The following TTI1 variants were observed in gnomAD, a reference collection of about 807,000 sequenced individuals.
The protein encoded by TTI1 is TELO2 interacting protein 1.
A neutral mutation model predicts 85.4 loss-of-function variants in TTI1; 52 were observed. The ratio of observed to expected loss-of-function variants is 0.61; its 90% CI spans 0.49 to 0.77. TTI1 has a LOEUF of 0.77. Among genes scored for constraint, TTI1 ranks in the 30% least tolerant of loss-of-function variants. TTI1 has a pLI of 0.00. For missense variants in TTI1, 1,173 were observed against 1,296.0 expected, an observed-to-expected ratio of 0.91 and a Z score of 1.46; for synonymous variants, 512 against 503.9, an observed-to-expected ratio of 1.02 and a Z score of -0.22.
At chr20:38,006,167 A>T (rs775884789) in intron 3 of TTI1, 30 bp downstream of exon 3, 2 of 1,611,982 alleles carry the variant, frequency 1.2e-6, no homozygotes, top group Non-Finnish European at 1.7e-6. Context: ...CAGAAAGAAA[A>T]AACCAGCTAA....
chr20:38,019,008 G>C (rs6097364), intron 1 of TTI1: 1 of 152,054 alleles, frequency 6.6e-6, no homozygotes, highest in Non-Finnish European at 1.5e-5. Context: ...AAATTACCTA[G>C]GTGTGGTGGT....
chr20:38,013,407 TC>T lies in TTI1; in HGVS notation c.409del (p.Asp137ThrfsTer4). On this transcript the variant is annotated frameshift_variant, in exon 2 of 8. Transcript: ENST00000373447. LOFTEE classifies it high-confidence loss of function. ...LSTLMHSAYG[D>X]IILTFYEPSI... ...GGGCTCATAAAAAGTCAGAATGATGTCCCCATAAGCTGAGTGCATTAATGTG... is the reference window on the plus strand; with the variant it reads ...GGGCTCATAAAAAGTCAGAATGATGTCCCATAAGCTGAGTGCATTAATGTG... 6.2e-7 allele frequency: 1 copy of T among 1,614,062 alleles called. No individual in the cohort carries two copies. The highest frequency in any genetic ancestry group is 8.5e-7 in the Non-Finnish European group (1 of 1,180,034).
At chr20:37,997,482 T>C (rs1385476304) in intron 5 of TTI1, among the ~76,000 whole-genome samples, 1 of 151,742 alleles carries the variant, frequency 6.6e-6, no homozygotes, top group Non-Finnish European at 1.5e-5. Flanking sequence ...TCGGTGTTCC[T>C]TCTGTTCAGC....
intron 1 of TTI1, among the ~76,000 whole-genome samples, chr20:38,021,151 C>G (rs1379915460): frequency 6.6e-6 from 1 of 152,128 alleles, no homozygotes; most frequent in Non-Finnish European, 1.5e-5. Flanking sequence ...AAATACTATA[C>G]AGATGAAGAT....
In TTI1 at chr20:38,012,122, T is replaced by A; in HGVS notation, c.1695A>T (p.Thr565=). Residue 565 remains threonine (T), a synonymous_variant, in exon 2 of 8, where the codon ACA becomes ACT. Transcript: ENST00000373447. Reference sequence around the variant, plus strand: ...TAACCAAATACCAATTTTCTTGACTTGTGTATTCTTCAAGTATAGATGTCA... The same window carrying A: ...TAACCAAATACCAATTTTCTTGACTAGTGTATTCTTCAAGTATAGATGTCA... ...EIVTSILEEY[T]SQENWYLVTC... The A allele has an allele frequency of 6.2e-7, 1 of 1,614,188 alleles. No individual in the cohort carries two copies.
At position 38,012,106 on chromosome 20, in the gene TTI1, A is replaced by G; in HGVS notation, c.1711T>C (p.Tyr571His). Residue 571 changes from tyrosine (Y) to histidine (H), a missense_variant, in exon 2 of 8, where the codon TAT becomes CAT. Coordinates refer to ENST00000373447, the MANE Select transcript of TTI1 (RefSeq NM_001303457.2). ...LEEYTSQENWYLVTCLETEEM... is the reference protein window; with the variant it reads ...LEEYTSQENWHLVTCLETEEM... The stretch of plus-strand genomic sequence containing the variant: ...TCAGTTTCAAGACAGGTAACCAAAT[A>G]CCAATTTTCTTGACTTGTGTATTCT... The G allele has an allele frequency of 6.2e-7, 1 of 1,614,154 alleles. No individual in the cohort carries two copies. The highest frequency in any genetic ancestry group is 1.1e-5 in the South Asian group (1 of 91,080).
At chr20:38,022,926 A>G (rs1045244817) in intron 1 of TTI1, among the ~76,000 whole-genome samples, 1 of 152,158 alleles carries the variant, frequency 6.6e-6, no homozygotes, top group Non-Finnish European at 1.5e-5. Flanking sequence ...CATGAATTTT[A>G]TCTTCTTCAA....
intron 7 of TTI1, chr20:37,987,400 T>C (rs761074669): frequency 2.4e-5 from 11 of 454,844 alleles, no homozygotes; most frequent in South Asian, 1.7e-4. Context: ...GGGATGGCTG[T>C]TGAACATACC....
At chr20:38,018,346 TTAATA>T (rs759809943) in intron 1 of TTI1, among the ~76,000 whole-genome samples, 12 of 152,090 alleles carry the variant, frequency 7.9e-5, no homozygotes, top group Non-Finnish European at 1.5e-4. Flanking sequence ...AATTAAGAAT[TTAATA>T]TAAGATATTA....
In TTI1 at chr20:38,009,298, A is replaced by C. The variant is rs1010097621; in HGVS notation, c.2302+2217T>G. On this transcript the variant is annotated intron_variant, in intron 2 of 7. Transcript: ENST00000373447. ...CCTAAGTGGGTCTTATTCATGGCTG[A>C]CTCCCCAGTGACTAGCCCACTACAC... Among the ~76,000 whole-genome samples the C allele has an allele frequency of 2.4e-4, 37 of 151,192 alleles. 1 individual carries two copies. Among genetic ancestry groups the C allele is most frequent in the Non-Finnish European group, 4.3e-4 (29 of 67,868 alleles).
intron 1 of TTI1, among the ~76,000 whole-genome samples, chr20:38,024,797 T>C (rs541726090): frequency 6.6e-5 from 10 of 152,248 alleles, no homozygotes; most frequent in African/African-American, 2.2e-4. Flanking sequence ...GGAGCAGGCA[T>C]TCCATCCCCA....
chr20:37,998,132 C>T (rs913081263), intron 5 of TTI1, among the ~76,000 whole-genome samples: 4 of 152,062 alleles, frequency 2.6e-5, no homozygotes, highest in African/African-American at 9.7e-5. Flanking sequence ...GTTTCACCAT[C>T]TTGGCCAGGC....
chr20:38,020,323 A>ATATATATAT lies in TTI1; in HGVS notation c.-41-6467_-41-6466insATATATATA, dbSNP rs1555795789. Among the ~76,000 whole-genome samples the ATATATATAT allele has an allele frequency of 2.1e-3, 108 of 50,344 alleles. 1 individual carries two copies. The highest frequency in any genetic ancestry group is 9.3e-3 in the South Asian group (10 of 1,080). The allele number at this position is 50,344 out of a possible 152,430, so 33.0% of individuals were successfully genotyped here. A position where few individuals can be genotyped will look rare whatever the true frequency, so the allele number is the denominator to read the frequency against. On this transcript the variant is annotated intron_variant, in intron 1 of 7. Coordinates refer to ENST00000373447, the MANE Select transcript of TTI1 (RefSeq NM_001303457.2). The stretch of plus-strand genomic sequence containing the variant: ...GGCTACTCATATGAAAAAAAAAAAA[A>ATATATATAT]ATATATATATATATATATATATATA...
chr20:38,001,429 G>A (rs1242735195), intron 4 of TTI1, among the ~76,000 whole-genome samples: 4 of 152,216 alleles, frequency 2.6e-5, no homozygotes, highest in African/African-American at 9.7e-5. Flanking sequence ...TATGTATACA[G>A]CTGCTACAAA....
chr20:38,013,582 TG>T lies in TTI1; in HGVS notation c.234del (p.Thr79HisfsTer9). 6.2e-7 allele frequency: 1 copy of T among 1,614,196 alleles called. No individual in the cohort carries two copies. Among genetic ancestry groups the T allele is most frequent in the Non-Finnish European group, 8.5e-7 (1 of 1,180,028 alleles). On this transcript the variant is annotated frameshift_variant, in exon 2 of 8. Coordinates refer to ENST00000373447, the MANE Select transcript of TTI1 (RefSeq NM_001303457.2). LOFTEE classifies it high-confidence loss of function. ...ACACATGTTGAAGAAAGGACAAATG[TG>T]AGGCATTCCACCACACTTTGGATCA... ...ERLIQSVVECLTFVLSSTCVK... is the reference protein window; with the variant it reads ...ERLIQSVVECXTFVLSSTCVK...
chr20:38,010,467 CTTTT>C (rs764386880), intron 2 of TTI1, among the ~76,000 whole-genome samples: 3 of 104,428 alleles, frequency 2.9e-5, no homozygotes, highest in African/African-American at 7.7e-5. Flanking sequence ...TTTGCCATTC[CTTTT>C]TTTTTTTTTT....
intron 1 of TTI1, among the ~76,000 whole-genome samples, chr20:38,015,395 C>G (rs1048485408): frequency 6.6e-6 from 1 of 152,160 alleles, no homozygotes; most frequent in Non-Finnish European, 1.5e-5. Flanking sequence ...AAATGCCACG[C>G]GTGGCAGCCA....
At position 38,013,690 on chromosome 20, in the gene TTI1, T is replaced by C; in HGVS notation, c.127A>G (p.Ser43Gly). The C allele has an allele frequency of 6.2e-7, 1 of 1,614,238 alleles. No homozygotes were observed. The highest frequency in any genetic ancestry group is 8.5e-7 in the Non-Finnish European group (1 of 1,180,032). ...TACTGCTGAAGTTCCTGAAGGGCAC[T>C]GTCACTCACAGCTTGTAGTCGTGTC... ...LQTRLQAVSD[S>G]ALQELQQYIL... is the part of the protein sequence containing the mutation. Residue 43 changes from serine (S) to glycine (G), a missense_variant, in exon 2 of 8, where the codon AGT (serine) becomes GGT (glycine). Ser to Gly is a moderately conservative substitution (Grantham distance 56). Coordinates refer to ENST00000373447, the MANE Select transcript of TTI1 (RefSeq NM_001303457.2).
In TTI1 at chr20:38,011,980, G is replaced by A; in HGVS notation, c.1837C>T (p.Pro613Ser). The stretch of plus-strand genomic sequence containing the variant: ...TTCATGGAGCAAATAGTGGGACTTG[G>A]CTTTGAGAAGGCTAGAAAAGATGTA... Reference protein sequence around the residue: ...QVTSFLAFSKPSPTICSMNSN... With the variant: ...QVTSFLAFSKSSPTICSMNSN... Residue 613 changes from proline to serine, a missense_variant, in exon 2 of 8, where the codon CCA becomes TCA. Physicochemically the swap from Pro to Ser is moderately conservative, Grantham distance 74. Coordinates refer to ENST00000373447, the MANE Select transcript of TTI1 (RefSeq NM_001303457.2). The A allele has an allele frequency of 6.2e-7, 1 of 1,614,242 alleles. No individual in the cohort carries two copies. Among genetic ancestry groups the A allele is most frequent in the South Asian group, 1.1e-5 (1 of 91,086 alleles).
Sources: allele counts gnomAD v4.1 joint callset (sites outside exome capture counted in the v4.1 genomes callset), GRCh38; gene constraint gnomAD v4.1.1; transcripts MANE v1.5; gene names NCBI Gene and HGNC (gene_info 2026-07-23, HGNC 2026-07-21).